DPP6: variants seen among roughly 807,000 people sequenced by gnomAD.
DPP6 encodes dipeptidyl peptidase like 6.
DPP6 carries 69 observed loss-of-function variants against 122.6 expected under a neutral mutation model. That is an observed-to-expected ratio of 0.56 (90% CI 0.46 to 0.69). The LOEUF (loss-of-function observed/expected upper bound fraction) is 0.69, where lower values mean the gene tolerates loss of function less well. Among genes scored for constraint, DPP6 ranks in the 30% least tolerant of loss-of-function variants. The pLI, the probability that DPP6 is intolerant of heterozygous loss-of-function variation, is 0.00. For synonymous variants in DPP6, 418 were observed against 433.1 expected (o/e 0.97, Z 0.43); for missense variants, 928 against 1,116.9 (o/e 0.83, Z 2.41).
chr7:154,437,315 A>G (rs558308150), intron 1 of DPP6, among the ~76,000 whole-genome samples: 2 of 152,330 alleles, frequency 1.3e-5, no homozygotes, highest in East Asian at 3.9e-4. Context: ...TAGTTTAAAA[A>G]TACTACAGCT....
In DPP6 at chr7:154,403,162, G is replaced by A. The variant is rs1815784903; in HGVS notation, c.244-43052G>A. Among the ~76,000 whole-genome samples the A allele has an allele frequency of 6.6e-6, 1 of 152,202 alleles. No homozygotes were observed. The highest frequency in any genetic ancestry group is 2.1e-4 in the South Asian group (1 of 4,836). On this transcript the variant is annotated intron_variant, in intron 1 of 25. Transcript: ENST00000377770. The surrounding 1 kb of genome is among the most constrained non-coding windows in gnomAD (Gnocchi z 4.1). ...TCTCTTTTCTTTGTGGTTCTAACGT[G>A]TCACCCACGTTAGTTCCCTGGACTC... is the stretch of plus-strand genomic sequence containing the variant.
At chr7:153,937,725 G>A (rs1028244963) in intron 1 of DPP6, among the ~76,000 whole-genome samples, 1 of 152,138 alleles carries the variant, frequency 6.6e-6, no homozygotes, top group Non-Finnish European at 1.5e-5. Flanking sequence ...GGAATTACAG[G>A]CATGAGCCAC....
At chr7:153,794,949 G>C in the DPP6 span, among the ~76,000 whole-genome samples, 2 of 152,048 alleles carry the variant, frequency 1.3e-5, no homozygotes, top group Non-Finnish European at 2.9e-5. Flanking sequence ...GGCCTCCCCA[G>C]CTATGTGGAA....
chr7:154,671,880 A>ACACACGTG (rs1214039208), intron 7 of DPP6, among the ~76,000 whole-genome samples: 36 of 147,652 alleles, frequency 2.4e-4, no homozygotes, highest in African/African-American at 8.6e-4. Context: ...ACACACACAC[A>ACACACGTG]CACACACAAT....
intron 1 of DPP6, among the ~76,000 whole-genome samples, chr7:154,126,909 G>C (rs1025928415): frequency 6.6e-6 from 1 of 152,108 alleles, no homozygotes; most frequent in African/African-American, 2.4e-5. Flanking sequence ...TAGTTATACC[G>C]ATTTTCTTCA....
intron 16 of DPP6, 34 bp downstream of exon 16, chr7:154,807,146 C>T (rs1380103957): frequency 1.9e-6 from 3 of 1,605,750 alleles, no homozygotes; most frequent in Non-Finnish European, 2.5e-6. Flanking sequence ...GGCAAAGAGC[C>T]CTGGCAGGCA....
At chr7:154,376,085 C>A (rs985410780) in intron 1 of DPP6, among the ~76,000 whole-genome samples, 12 of 152,190 alleles carry the variant, frequency 7.9e-5, no homozygotes, top group African/African-American at 2.4e-4. Context: ...TTGCACTTAG[C>A]CAGACAGCAC....
chr7:154,540,051 G>T (rs1428034906), intron 3 of DPP6, among the ~76,000 whole-genome samples: 2 of 151,746 alleles, frequency 1.3e-5, no homozygotes, highest in Non-Finnish European at 2.9e-5. Flanking sequence ...AGATTCAAAG[G>T]TATTCATGGC....
At chr7:154,889,195 G>A in intron 23 of DPP6, 77 bp from the exon 24 acceptor site, 1 of 1,546,940 alleles carries the variant, frequency 6.5e-7, no homozygotes, top group Non-Finnish European at 8.7e-7. Flanking sequence ...TACCTTCTCA[G>A]TCAGGTTTCC....
At chr7:154,278,419 A>G (rs1416122852) in intron 1 of DPP6, among the ~76,000 whole-genome samples, 1 of 152,258 alleles carries the variant, frequency 6.6e-6, no homozygotes, top group Non-Finnish European at 1.5e-5. Flanking sequence ...AAACTCAGGC[A>G]GGAACTATGG....
intron 8 of DPP6, among the ~76,000 whole-genome samples, chr7:154,751,375 C>T (rs955169592): frequency 2.0e-5 from 3 of 151,530 alleles, no homozygotes; most frequent in South Asian, 2.1e-4. Context: ...CAAGGCGGGC[C>T]GATCACCTGA....
chr7:154,847,761 G>T (rs1284848274), intron 16 of DPP6, among the ~76,000 whole-genome samples: 2 of 152,094 alleles, frequency 1.3e-5, no homozygotes, highest in African/African-American at 4.8e-5. Flanking sequence ...GACACCAAAA[G>T]GTATTCCTCC....
chr7:154,880,170 G>A (rs3807294), intron 20 of DPP6, among the ~76,000 whole-genome samples: 48,581 of 152,094 alleles, frequency 0.32, 8,243 homozygotes, highest in South Asian at 0.42. Flanking sequence ...TCCTGCTGCT[G>A]GTTGAGGTCC....
intron 8 of DPP6, among the ~76,000 whole-genome samples, chr7:154,742,261 G>A (rs1276438105): frequency 1.3e-5 from 2 of 152,190 alleles, no homozygotes; most frequent in Non-Finnish European, 2.9e-5. Context: ...CTGCACCGAA[G>A]CCCTCTACCA....
chr7:154,696,088 G>A (rs955361636), intron 7 of DPP6, among the ~76,000 whole-genome samples: 27 of 152,184 alleles, frequency 1.8e-4, no homozygotes, highest in Non-Finnish European at 8.8e-5. Context: ...CATGCCGGGC[G>A]CTGAACCACC....
At chr7:154,825,909 A>T (rs965850212) in intron 16 of DPP6, among the ~76,000 whole-genome samples, 3 of 152,220 alleles carry the variant, frequency 2.0e-5, no homozygotes, top group Non-Finnish European at 4.4e-5. Context: ...CACCAGTTTT[A>T]TAGCTTCTCA....
At chr7:154,636,313 G>C (rs990219690) in intron 5 of DPP6, among the ~76,000 whole-genome samples, 12 of 152,322 alleles carry the variant, frequency 7.9e-5, no homozygotes, top group Middle Eastern at 3.4e-3. Context: ...TCACAGTGCA[G>C]CATGGGGTCC....
chr7:154,729,658 G>A (rs1470120078), intron 8 of DPP6, among the ~76,000 whole-genome samples: 1 of 152,130 alleles, frequency 6.6e-6, no homozygotes, highest in Non-Finnish European at 1.5e-5. Flanking sequence ...GGTCCTGGGG[G>A]CTAAGCAGCC....
At chr7:154,085,107 G>A (rs1563183009) in intron 1 of DPP6, among the ~76,000 whole-genome samples, 5 of 150,758 alleles carry the variant, frequency 3.3e-5, no homozygotes, top group African/African-American at 4.9e-5. Flanking sequence ...GTAAGAAAGG[G>A]AAAGAATAAA....
Sources: gnomAD v4.1 joint callset for allele counts (sites outside exome capture counted in the v4.1 genomes callset) on GRCh38, gnomAD v4.1.1 for gene constraint, Gnocchi (gnomAD v3.1) non-coding constraint, MANE v1.5 for transcripts, NCBI Gene and HGNC (gene_info 2026-07-23, HGNC 2026-07-21) for gene names.